Variants in GRM8 observed in about 807,000 individuals in gnomAD.
GRM8 encodes the protein metabotropic glutamate receptor 8.
Under a neutral mutation model 87.2 loss-of-function variants are expected in GRM8, and 47 were observed. The ratio of observed to expected loss-of-function variants is 0.54; its 90% CI spans 0.43 to 0.69. The LOEUF is 0.69. Among genes scored for constraint, GRM8 ranks in the 30% least tolerant of loss-of-function variants. The pLI is 0.00. For missense variants in GRM8, 1,019 were observed against 1,139.2 expected, an observed-to-expected ratio of 0.89 and a Z score of 1.52; for synonymous variants, 396 against 404.5, an observed-to-expected ratio of 0.98 and a Z score of 0.25.
At chr7:127,108,629 A>C (rs1004348102) in intron 2 of GRM8, among the ~76,000 whole-genome samples, 8 of 152,216 alleles carry the variant, frequency 5.3e-5, no homozygotes, top group Non-Finnish European at 8.8e-5. Context: ...AAATGAGCAG[A>C]AAGTGTGAAA....
rs933563882 is a variant in GRM8 at position 126,762,855 on chromosome 7, C to CA, written c.1357+7009dup. ...TGATATGTACCAAGCAAATGATCTC[C>CA]AAAAAAACAATGCTGATCAATATAA... On this transcript the variant is annotated intron_variant, in intron 7 of 10. Transcript: ENST00000339582. 2.0e-5 allele frequency among the ~76,000 whole-genome samples: 3 copies of CA among 151,222 alleles called. No homozygotes were observed. The South Asian group carries it at 6.3e-4, about 32-fold the overall frequency.
At chr7:126,940,207 T>C (rs1379137596) in intron 3 of GRM8, among the ~76,000 whole-genome samples, 1 of 152,230 alleles carries the variant, frequency 6.6e-6, no homozygotes, top group Non-Finnish European at 1.5e-5. Context: ...CCCATTTCTA[T>C]CAGGGCAGAA....
intron 5 of GRM8, among the ~76,000 whole-genome samples, chr7:126,903,705 A>G (rs1422393677): frequency 2.8e-5 from 4 of 143,288 alleles, no homozygotes; most frequent in Non-Finnish European, 6.0e-5. Context: ...GTATATATAT[A>G]TGTATATGTG....
chr7:126,983,941 G>A (rs997313555), intron 3 of GRM8, among the ~76,000 whole-genome samples: 6 of 152,194 alleles, frequency 3.9e-5, no homozygotes, highest in African/African-American at 1.2e-4. Context: ...AACAAGGACT[G>A]TAATTGTCAT....
At chr7:127,249,235 CCTGCG>C (rs1244887189) in intron 1 of GRM8, among the ~76,000 whole-genome samples, 1 of 152,130 alleles carries the variant, frequency 6.6e-6, no homozygotes, top group Non-Finnish European at 1.5e-5. Flanking sequence ...CCTGCCCTGC[CCTGCG>C]CTGACCTCCC....
chr7:127,030,333 G>A (rs1020316152), intron 3 of GRM8, among the ~76,000 whole-genome samples: 2 of 152,062 alleles, frequency 1.3e-5, no homozygotes, highest in African/African-American at 4.8e-5. Flanking sequence ...ACTGACTGGT[G>A]CAGGTGGGCT....
chr7:126,995,968 C>A (rs1275671500), intron 3 of GRM8, among the ~76,000 whole-genome samples: 3 of 151,810 alleles, frequency 2.0e-5, no homozygotes, highest in South Asian at 2.1e-4. Flanking sequence ...AGAAAAAAAA[C>A]ACACACACAA....
At chr7:126,661,462 A>G (rs1284165392) in intron 7 of GRM8, among the ~76,000 whole-genome samples, 2 of 152,186 alleles carry the variant, frequency 1.3e-5, no homozygotes, top group Non-Finnish European at 2.9e-5. Context: ...CCAAAAGGAG[A>G]ATACATTGTA....
chr7:127,126,752 A>C (rs906097535), intron 2 of GRM8, among the ~76,000 whole-genome samples: 7 of 152,026 alleles, frequency 4.6e-5, no homozygotes, highest in Admixed American at 1.3e-4. Flanking sequence ...GAATTCACCA[A>C]AATAAGAAAC....
intron 7 of GRM8, among the ~76,000 whole-genome samples, chr7:126,751,900 T>C (rs1324300102): frequency 1.3e-5 from 2 of 152,168 alleles, no homozygotes; most frequent in East Asian, 3.9e-4. Flanking sequence ...AGGCCTGAAC[T>C]GCTTAGAGAG....
intron 7 of GRM8, among the ~76,000 whole-genome samples, chr7:126,659,759 G>T (rs546395689): frequency 1.6e-4 from 25 of 152,220 alleles, no homozygotes; most frequent in African/African-American, 5.8e-4. Flanking sequence ...TTAGGTCTTT[G>T]TATTTCCACT....
intron 9 of GRM8, among the ~76,000 whole-genome samples, chr7:126,513,567 AG>A (rs1282511848): frequency 7.9e-5 from 12 of 152,154 alleles, no homozygotes; most frequent in Admixed American, 3.3e-4. Context: ...TAACACCATC[AG>A]CACAATGTCA....
intron 6 of GRM8, among the ~76,000 whole-genome samples, chr7:126,837,101 A>T (rs1795881476): frequency 1.3e-5 from 2 of 152,114 alleles, no homozygotes; most frequent in Admixed American, 1.3e-4. Context: ...TGAACCAAAG[A>T]ACTTTTAAAT....
At chr7:126,543,119 C>T (rs1051694021) in intron 8 of GRM8, among the ~76,000 whole-genome samples, 6 of 152,180 alleles carry the variant, frequency 3.9e-5, no homozygotes, top group Non-Finnish European at 8.8e-5. Flanking sequence ...CCAGGCAATG[C>T]GCAACCATCA....
At chr7:127,230,374 C>A (rs1449498887) in intron 2 of GRM8, among the ~76,000 whole-genome samples, 1 of 151,626 alleles carries the variant, frequency 6.6e-6, no homozygotes, top group African/African-American at 2.4e-5. Flanking sequence ...CATACTTCCA[C>A]CCCCACATAG....
intron 2 of GRM8, among the ~76,000 whole-genome samples, chr7:127,155,656 T>C (rs1250132834): frequency 6.6e-6 from 1 of 152,128 alleles, no homozygotes. Context: ...TGGAACTAAA[T>C]AGCAAGTTCG....
intron 3 of GRM8, among the ~76,000 whole-genome samples, chr7:126,939,544 C>T (rs536293057): frequency 3.3e-5 from 5 of 152,198 alleles, no homozygotes; most frequent in Admixed American, 1.3e-4. Context: ...TAATGGATGA[C>T]GGAAACTTTA....
At chr7:126,910,249 G>C (rs1214115765) in intron 3 of GRM8, among the ~76,000 whole-genome samples, 1 of 152,000 alleles carries the variant, frequency 6.6e-6, no homozygotes, top group Non-Finnish European at 1.5e-5. Context: ...CTTTCATACT[G>C]CAGCAATCAT....
At position 126,607,795 on chromosome 7, in the gene GRM8, C is replaced by A. The variant is rs75650314; in HGVS notation, c.1494+1567G>T. ...CACGTGCCATGCTAGTGCGCTGCAC[C>A]CACTAACTCGTCATCTAGCATTAGG... is the stretch of plus-strand genomic sequence containing the variant. On this transcript the variant is annotated intron_variant, in intron 8 of 10. Coordinates refer to ENST00000339582, the MANE Select transcript of GRM8 (RefSeq NM_000845.3). Among the ~76,000 whole-genome samples, 655 of 151,460 alleles carry A rather than the reference C, an allele frequency of 4.3e-3. 47 individuals carry two copies. The East Asian group carries it at 0.12, about 27-fold the overall frequency.
Sources: allele counts gnomAD v4.1 joint callset (sites outside exome capture counted in the v4.1 genomes callset), GRCh38; gene constraint gnomAD v4.1.1; transcripts MANE v1.5; gene names NCBI Gene and HGNC (gene_info 2026-07-23, HGNC 2026-07-21).